Variants in ST6GALNAC4 observed in about 807,000 individuals in gnomAD.
ST6GALNAC4 encodes the protein alpha-N-acetyl-neuraminyl-2,3-beta-galactosyl-1,3-N-acetyl-galactosaminide alpha-2,6-sialyltransferase.
ST6GALNAC4 carries 24 observed loss-of-function variants against 30.4 expected under a neutral mutation model. The ratio of observed to expected loss-of-function variants is 0.79; its 90% confidence interval spans 0.57 to 1.11. The LOEUF (loss-of-function observed/expected upper bound fraction) is 1.11. Ranked by LOEUF, ST6GALNAC4 falls within the 50% of genes most tolerant of loss-of-function variation. The probability of loss-of-function intolerance (pLI) is 0.00; values close to 1 mark genes in which losing one functional copy is unlikely to be tolerated. For missense variants in ST6GALNAC4, 365 were observed against 430.1 expected (o/e 0.85, Z 1.34); for synonymous variants, 156 against 179.7 (o/e 0.87, Z 1.05).
intron 1 of ST6GALNAC4, 106 bp from the exon 2 acceptor site, chr9:127,916,600 T>G: frequency 1.5e-6 from 1 of 659,372 alleles, no homozygotes; most frequent in Non-Finnish European, 2.7e-6. Flanking sequence ...TGAAAGCACA[T>G]GGCACCCGGG....
Position 127,908,349 on chromosome 9 carries a change from C to A in ST6GALNAC4, c.*43G>T. On this transcript the variant is annotated 3_prime_UTR_variant, in exon 6 of 6. Coordinates refer to ENST00000335791, the MANE Select transcript of ST6GALNAC4 (RefSeq NM_175039.4). The stretch of plus-strand genomic sequence containing the variant: ...TGTGATGGCTTGGGATGGGACATCC[C>A]GGAGGCCTCGCAACGGCATGGCGAC... The A allele has an allele frequency of 6.7e-7, 1 of 1,494,964 alleles. No individual in the cohort carries two copies. Among genetic ancestry groups the A allele is most frequent in the Non-Finnish European group, 9.0e-7 (1 of 1,112,264 alleles). The allele number at this position is 1,494,964 out of a possible 1,614,324, so 92.6% of individuals were successfully genotyped here. A position where few individuals can be genotyped will look rare whatever the true frequency, so the allele number is the denominator to read the frequency against.
At chr9:127,912,823 G>C (rs1299174794) in intron 3 of ST6GALNAC4, 143 bp from the exon 4 acceptor site, 4 of 1,021,122 alleles carry the variant, frequency 3.9e-6, no homozygotes, top group Non-Finnish European at 4.1e-6. Flanking sequence ...TGCAGGCTGG[G>C]CAGCAGGGAT....
chr9:127,914,905 G>C, intron 2 of ST6GALNAC4, 64 bp from the exon 3 acceptor site: 3 of 1,372,486 alleles, frequency 2.2e-6, no homozygotes, highest in Middle Eastern at 2.8e-4. Context: ...CCCCTTCAGC[G>C]CTGCACCTGG....
chr9:127,912,366 C>G lies in ST6GALNAC4; in HGVS notation c.513G>C (p.Gln171His), dbSNP rs767806218. ...GCAGGCCGGGGTACATCCTGGTGAGCTGCAGCAGCGTGCGGTAGGTGCGGC... is the reference window on the plus strand; with the variant it reads ...GCAGGCCGGGGTACATCCTGGTGAGGTGCAGCAGCGTGCGGTAGGTGCGGC... ...LGGRTYRTLL[Q>H]LTRMYPGLQV... Residue 171 changes from glutamine (Q) to histidine (H), a missense_variant, in exon 4 of 6, where the codon CAG (glutamine) becomes CAC (histidine). Coordinates refer to ENST00000335791, the MANE Select transcript of ST6GALNAC4 (RefSeq NM_175039.4). The G allele has an allele frequency of 6.8e-6, 11 of 1,614,018 alleles. No homozygotes were observed. The Admixed American group carries it at 1.2e-4, about 17-fold the overall frequency.
chr9:127,910,389 GGA>G (rs1831050297), intron 4 of ST6GALNAC4: 6 of 1,107,704 alleles, frequency 5.4e-6, no homozygotes, highest in African/African-American at 1.7e-5. Flanking sequence ...CCAGGCCTGG[GGA>G]GACAGCATGA....
In ST6GALNAC4 at chr9:127,914,685, T is replaced by C; in HGVS notation, c.169A>G (p.Ser57Gly). The C allele has an allele frequency of 6.2e-7, 1 of 1,612,840 alleles. No homozygotes were observed. Among genetic ancestry groups the C allele is most frequent in the Non-Finnish European group, 8.5e-7 (1 of 1,179,484 alleles). Residue 57 changes from serine (S) to glycine (G), a missense_variant, in exon 3 of 6, where the codon AGT (serine) becomes GGT (glycine). Ser to Gly is a moderately conservative substitution (Grantham distance 56). Coordinates refer to ENST00000335791, the MANE Select transcript of ST6GALNAC4 (RefSeq NM_175039.4). Reference sequence around the variant, plus strand: ...CCATCTGGCACACTGCTATATCCACTGAAGTGCAGGGGTCCCGGCACAGTG... The same window carrying C: ...CCATCTGGCACACTGCTATATCCACCGAAGTGCAGGGGTCCCGGCACAGTG... ...RPTVPGPLHF[S>G]GYSSVPDGKP...
At chr9:127,914,622 T>C (rs1831153365) in intron 3 of ST6GALNAC4, 34 bp downstream of exon 3, 1 of 1,438,660 alleles carries the variant, frequency 7.0e-7, no homozygotes, top group Non-Finnish European at 9.3e-7. Flanking sequence ...CAGCTCTCAC[T>C]ACCCACCCCG....
At chr9:127,911,793 TG>T (rs1831079557) in intron 4 of ST6GALNAC4, among the ~76,000 whole-genome samples, 1 of 152,224 alleles carries the variant, frequency 6.6e-6, no homozygotes, top group Non-Finnish European at 1.5e-5. Flanking sequence ...CCCTAATTTT[TG>T]TATTTTTGGT....
chr9:127,908,681 C>T lies in ST6GALNAC4; in HGVS notation c.720-100G>A, dbSNP rs188259580. ...CCACCCCTCGCCAGGCCCATGGGCT[C>T]GTGAAGACCCACGCCTGATCCCTGG... On this transcript the variant is annotated intron_variant, in intron 5 of 5. Coordinates refer to ENST00000335791, the MANE Select transcript of ST6GALNAC4 (RefSeq NM_175039.4). The T allele has an allele frequency of 3.8e-3, 4,373 of 1,146,364 alleles. 16 individuals are homozygous for T. The highest frequency in any genetic ancestry group is 0.012 in the Middle Eastern group (46 of 3,696). 71.0% of individuals were successfully genotyped at this position (1,146,364 alleles called of 1,614,324 possible).
chr9:127,914,697 G>A lies in ST6GALNAC4; in HGVS notation c.157C>T (p.Pro53Ser), dbSNP rs572786397. 6.2e-7 allele frequency: 1 copy of A among 1,612,986 alleles called. No individual in the cohort carries two copies. Among genetic ancestry groups the A allele is most frequent in the East Asian group, 2.2e-5 (1 of 44,694 alleles). Reference sequence around the variant, plus strand: ...CTGCTATATCCACTGAAGTGCAGGGGTCCCGGCACAGTGGGCCTGGAGCCT... The same window carrying A: ...CTGCTATATCCACTGAAGTGCAGGGATCCCGGCACAGTGGGCCTGGAGCCT... ...PTGSRPTVPG[P>S]LHFSGYSSVP... is the part of the protein sequence containing the mutation. Residue 53 changes from proline (P) to serine (S), a missense_variant, in exon 3 of 6, where the codon CCC becomes TCC. Pro to Ser is a moderately conservative substitution (Grantham distance 74, BLOSUM62 -1). Transcript: ENST00000335791.
At chr9:127,910,212 G>A (rs1044449366) in intron 4 of ST6GALNAC4, 154 bp from the exon 5 acceptor site, 7 of 1,428,978 alleles carry the variant, frequency 4.9e-6, no homozygotes, top group African/African-American at 1.4e-5. Flanking sequence ...GACAGAGCCA[G>A]CCCAAGGCCA....
intron 5 of ST6GALNAC4, 145 bp from the exon 6 acceptor site, chr9:127,908,726 G>A: frequency 1.6e-6 from 1 of 613,360 alleles, no homozygotes; most frequent in Non-Finnish European, 2.5e-6. Context: ...GACACATAGG[G>A]GAGTAGCAGA....
At position 127,912,541 on chromosome 9, in the gene ST6GALNAC4, G is replaced by C. The variant is rs777800746; in HGVS notation, c.338C>G (p.Ala113Gly). 1.9e-6 allele frequency: 3 copies of C among 1,613,412 alleles called. No individual in the cohort carries two copies. In the Admixed American group the frequency reaches 5.0e-5, roughly 27 times the overall value. Reference protein sequence around the residue: ...MNQAPTVGFEADVGQRSTLRV... With the variant: ...MNQAPTVGFEGDVGQRSTLRV... ...CAGGGTGCTGCGCTGGCCCACATCCGCCTCAAAGCCCACGGTGGGCGCCTG... is the reference window on the plus strand; with the variant it reads ...CAGGGTGCTGCGCTGGCCCACATCCCCCTCAAAGCCCACGGTGGGCGCCTG... Residue 113 changes from alanine to glycine, a missense_variant, in exon 4 of 6, where the codon GCG (alanine) becomes GGG (glycine). Transcript: ENST00000335791.
Position 127,912,822 on chromosome 9 carries a change from G to C in ST6GALNAC4, c.199-142C>G. 5 of 1,028,186 alleles carry C rather than the reference G, an allele frequency of 4.9e-6. No homozygotes were observed. The South Asian group carries it at 8.5e-5, about 18-fold the overall frequency. The allele number at this position is 1,028,186 out of a possible 1,614,324, so 63.7% of individuals were successfully genotyped here. ...TGTTATGAACCCATTTTGCAGGCTG[G>C]GCAGCAGGGATGACTTTCCCGAGAT... On this transcript the variant is annotated intron_variant, in intron 3 of 5. Transcript: ENST00000335791.
rs1271969468 is a variant in ST6GALNAC4, at chr9:127,910,267, A to G, written c.612-209T>C. The G allele has an allele frequency of 5.9e-6, 8 of 1,361,916 alleles. No individual in the cohort carries two copies. The East Asian group carries it at 2.4e-4, about 40-fold the overall frequency. The allele number at this position is 1,361,916 out of a possible 1,614,324, so 84.4% of individuals were successfully genotyped here. A position where few individuals can be genotyped will look rare whatever the true frequency, so the allele number is the denominator to read the frequency against. ...GCGGCACACAAACCCAGGCCTGATC[A>G]CCTCCTCAGCACCCAGCGGGGCTCG... is the stretch of plus-strand genomic sequence containing the variant. On this transcript the variant is annotated intron_variant, in intron 4 of 5. Transcript: ENST00000335791.
At chr9:127,912,751 T>G in intron 3 of ST6GALNAC4, 71 bp from the exon 4 acceptor site, 1 of 1,440,562 alleles carries the variant, frequency 6.9e-7, no homozygotes, top group Non-Finnish European at 9.2e-7. Context: ...CAGCTCCCCC[T>G]GGAATATCCA....
At chr9:127,916,342 G>A (rs1435011075) in intron 2 of ST6GALNAC4, 66 bp downstream of exon 2, 6 of 1,608,556 alleles carry the variant, frequency 3.7e-6, no homozygotes, top group Non-Finnish European at 5.1e-6. Context: ...GGGTGGAGAG[G>A]CTGCTGAGCT....
intron 5 of ST6GALNAC4, among the ~76,000 whole-genome samples, chr9:127,909,376 C>A (rs896608963): frequency 2.4e-4 from 34 of 140,096 alleles, no homozygotes; most frequent in Admixed American, 1.4e-4. Flanking sequence ...GCAACAAGAG[C>A]AAAACTCCAT....
rs766137736 is a variant in ST6GALNAC4, at chr9:127,910,054, G to A, written c.616C>T (p.Gln206Ter). The A allele has an allele frequency of 9.3e-6, 15 of 1,613,138 alleles. No individual in the cohort carries two copies. The Admixed American group carries it at 1.8e-4, about 20-fold the overall frequency. ...FQDETGKNRR[Q>*]SGSFLSTGWF... ...CCGGTGCTGAGGAAGGAGCCCGACT[G>A]CCTCCTGGGGGTGGCGGGGGGACAG... is the stretch of plus-strand genomic sequence containing the variant. The change falls in exon 5 of 6, where the codon CAG (glutamine) becomes TAG (stop). Residue 206 changes from glutamine to a stop codon, truncating the protein, a stop_gained. Transcript: ENST00000335791. LOFTEE classifies it high-confidence loss of function.
Sources: allele counts gnomAD v4.1 joint callset (sites outside exome capture counted in the v4.1 genomes callset), GRCh38; gene constraint gnomAD v4.1.1; transcripts MANE v1.5; gene names NCBI Gene and HGNC (gene_info 2026-07-23, HGNC 2026-07-21).